The following MPG variants were observed in gnomAD, a reference collection of about 807,000 sequenced individuals.
MPG encodes the protein DNA-3-methyladenine glycosylase.
A neutral mutation model predicts 31.7 loss-of-function variants in MPG; 33 were observed. The observed-to-expected ratio is 1.04, with a 90% confidence interval of 0.79 to 1.39. MPG has a LOEUF of 1.39. Ranked by LOEUF, MPG falls within the 40% of genes most tolerant of loss-of-function variation. MPG has a pLI of 0.00. For missense variants in MPG, 455 were observed against 415.5 expected (o/e 1.10, Z -0.83); for synonymous variants, 202 against 169.2 (o/e 1.19, Z -1.51).
chr16:81,324 G>A (rs1898229264), intron 2 of MPG, among the ~76,000 whole-genome samples: 1 of 152,196 alleles, frequency 6.6e-6, no homozygotes, highest in Admixed American at 6.5e-5. Context: ...GGATGGAAAA[G>A]GAAACAATGA....
At chr16:82,448 G>A (rs1162529674) in intron 2 of MPG, among the ~76,000 whole-genome samples, 4 of 152,236 alleles carry the variant, frequency 2.6e-5, no homozygotes, top group Non-Finnish European at 5.9e-5. Context: ...GCTCCGAGCA[G>A]TGACACAACT....
intron 2 of MPG, among the ~76,000 whole-genome samples, chr16:82,506 G>T (rs373195917): frequency 1.3e-5 from 2 of 152,058 alleles, no homozygotes; most frequent in East Asian, 3.9e-4. Context: ...CCGTGGGGCA[G>T]CTGGGCCTAC....
chr16:81,728 C>G (rs1434983309), intron 2 of MPG, among the ~76,000 whole-genome samples: 4 of 116,412 alleles, frequency 3.4e-5, no homozygotes, highest in African/African-American at 1.8e-4. Flanking sequence ...GGAAGGCCTC[C>G]TGAATGCTCC....
intron 2 of MPG, 33 bp from the exon 3 acceptor site, chr16:83,019 T>G: frequency 4.7e-6 from 7 of 1,496,936 alleles, no homozygotes; most frequent in Non-Finnish European, 6.4e-6. Flanking sequence ...CCCCCATCCC[T>G]TCCCGCCCTG....
Position 85,412 on chromosome 16 carries a change from T to C in MPG, c.517T>C (p.Cys173Arg), listed in dbSNP as rs780654126. Residue 173 changes from cysteine (C) to arginine (R), a missense_variant, in exon 4 of 4, where the codon TGC becomes CGC. Transcript: ENST00000356432. ...TGTCCGTCCCACAGGGGACGGGGCT[T>C]GCGTCTTGCTGCGAGCACTGGAGCC... is the stretch of plus-strand genomic sequence containing the variant. The part of the protein sequence containing the change: ...MNISSQGDGA[C>R]VLLRALEPLE... The C allele has an allele frequency of 8.7e-6, 14 of 1,606,580 alleles. No individual in the cohort carries two copies. In the South Asian group the frequency reaches 1.3e-4, roughly 15 times the overall value.
chr16:85,043 G>A (rs545898301), intron 3 of MPG, among the ~76,000 whole-genome samples: 2 of 152,382 alleles, frequency 1.3e-5, no homozygotes, highest in Admixed American at 1.3e-4. Flanking sequence ...GGGAAGCCAG[G>A]TGGAAAGGAA....
intron 1 of MPG, 141 bp from the exon 2 acceptor site, chr16:79,284 A>C (rs1898174224): frequency 1.3e-6 from 2 of 1,577,402 alleles, no homozygotes; most frequent in Admixed American, 3.7e-5. Flanking sequence ...CCTCATAACA[A>C]CCCACAGGAT....
intron 3 of MPG, chr16:83,505 C>G (rs1898315472): frequency 2.2e-6 from 1 of 444,988 alleles, no homozygotes; most frequent in Non-Finnish European, 4.1e-6. Context: ...CTTCGGGAGG[C>G]CGAGGCGGGC....
chr16:83,456 TGGGGCCGGGC>T lies in MPG; in HGVS notation c.505+202_505+211del, dbSNP rs767991080. ...GGTTAAAGGGGTAGAAAGGGCCGGG[TGGGGCCGGGC>T]GCGGTGGCTCACGCCTGTCATCCCA... On this transcript the variant is annotated intron_variant, in intron 3 of 3. Coordinates refer to ENST00000356432, the MANE Select transcript of MPG (RefSeq NM_001015052.3). The T allele has an allele frequency of 8.7e-6, 5 of 573,546 alleles. No individual in the cohort carries two copies. In the South Asian group the frequency reaches 8.8e-5, roughly 10 times the overall value. 35.5% of individuals were successfully genotyped at this position (573,546 alleles called of 1,614,324 possible). A position where few individuals can be genotyped will look rare whatever the true frequency, so the allele number is the denominator to read the frequency against.
chr16:83,328 A>G, intron 3 of MPG, 72 bp downstream of exon 3: 2 of 1,429,582 alleles, frequency 1.4e-6, no homozygotes, highest in Admixed American at 3.6e-5. Flanking sequence ...GGGGACCACT[A>G]GGAGGACTGA....
chr16:82,196 C>G (rs947092103), intron 2 of MPG, among the ~76,000 whole-genome samples: 9 of 92,106 alleles, frequency 9.8e-5, no homozygotes, highest in Admixed American at 2.3e-4. Context: ...GAATGCTCCC[C>G]GCGCTGACCC....
At chr16:81,968 C>CCG (rs773361505) in intron 2 of MPG, among the ~76,000 whole-genome samples, 19 of 115,366 alleles carry the variant, frequency 1.6e-4, no homozygotes, top group South Asian at 2.8e-4. Flanking sequence ...GAATGCTCCC[C>CCG]GCGCTGACCC....
At chr16:80,928 T>G (rs1272932555) in intron 2 of MPG, among the ~76,000 whole-genome samples, 3 of 152,236 alleles carry the variant, frequency 2.0e-5, no homozygotes, top group African/African-American at 7.2e-5. Context: ...TACGTTTGTC[T>G]CTATTCAGCA....
At chr16:78,117 C>A (rs551118906), upstream of MPG, 3 of 351,968 alleles carry the variant, frequency 8.5e-6, no homozygotes, top group South Asian at 2.5e-4. Context: ...GGAAGAGGAT[C>A]CACCTCCACG....
chr16:84,868 C>G (rs1567125805), intron 3 of MPG, among the ~76,000 whole-genome samples: 1 of 152,204 alleles, frequency 6.6e-6, no homozygotes, highest in Non-Finnish European at 1.5e-5. Flanking sequence ...CTCCTAGCCC[C>G]CACCACTTGA....
intron 3 of MPG, among the ~76,000 whole-genome samples, chr16:83,973 G>A (rs1278052936): frequency 1.3e-5 from 2 of 152,164 alleles, no homozygotes; most frequent in African/African-American, 2.4e-5. Flanking sequence ...AGGAAAGGGA[G>A]GTTTGGCAGG....
chr16:81,798 G>A lies in MPG; in HGVS notation c.301-1254G>A, dbSNP rs2858046. On this transcript the variant is annotated intron_variant, in intron 2 of 3. Coordinates refer to ENST00000356432, the MANE Select transcript of MPG (RefSeq NM_001015052.3). ...CGGGAAGCCCTCCTGAATGCTCCCG[G>A]CGCTGACCCCTTCTTCCCACCACCC... is the stretch of plus-strand genomic sequence containing the variant. Among the ~76,000 whole-genome samples the A allele has an allele frequency of 2.6e-3, 56 of 21,916 alleles. 3 individuals carry two copies. The highest frequency in any genetic ancestry group is 3.3e-3 in the African/African-American group (20 of 6,122). The allele number at this position is 21,916 out of a possible 152,430, so 14.4% of individuals were successfully genotyped here. A position where few individuals can be genotyped will look rare whatever the true frequency, so the allele number is the denominator to read the frequency against.
At position 83,403 on chromosome 16, in the gene MPG, G is replaced by T. The variant is rs751050395; in HGVS notation, c.505+147G>T. ...GCCAGGCCAGGGTTTCGGGAGCTCT[G>T]GCTACGCTGACGGGGCAGGGCTGGT... On this transcript the variant is annotated intron_variant, in intron 3 of 3. Transcript: ENST00000356432. The T allele has an allele frequency of 2.0e-5, 16 of 820,264 alleles. No individual in the cohort carries two copies. In the East Asian group the frequency reaches 3.9e-4, roughly 20 times the overall value. The allele number at this position is 820,264 out of a possible 1,614,324, so 50.8% of individuals were successfully genotyped here. A position where few individuals can be genotyped will look rare whatever the true frequency, so the allele number is the denominator to read the frequency against.
upstream of MPG, among the ~76,000 whole-genome samples, chr16:77,883 G>C (rs1243186078): frequency 1.3e-5 from 2 of 151,924 alleles, no homozygotes; most frequent in Non-Finnish European, 2.9e-5. Context: ...GATCCACTCA[G>C]GTTCACGACG....
Sources: gnomAD v4.1 joint callset for allele counts (sites outside exome capture counted in the v4.1 genomes callset) on GRCh38, gnomAD v4.1.1 for gene constraint, MANE v1.5 for transcripts, NCBI Gene and HGNC (gene_info 2026-07-23, HGNC 2026-07-21) for gene names.